SAMMSON: variants seen among roughly 807,000 people sequenced by gnomAD.
SAMMSON encodes long intergenic non-protein coding RNA 1212.
intron 4 of SAMMSON, among the ~76,000 whole-genome samples, chr3:70,185,919 G>A (rs1201260223): frequency 6.6e-6 from 1 of 152,080 alleles, no homozygotes; most frequent in Non-Finnish European, 1.5e-5. Flanking sequence ...TGAGGCTGCA[G>A]TGAACCATGA....
intron 1 of SAMMSON, among the ~76,000 whole-genome samples, chr3:70,001,401 C>A (rs1315383943): frequency 6.6e-6 from 1 of 150,730 alleles, no homozygotes; most frequent in Non-Finnish European, 1.5e-5. Context: ...ACTTCTTGCC[C>A]TCATGGAACT....
chr3:70,351,314 T>C (rs1303289265), intron 7 of SAMMSON, among the ~76,000 whole-genome samples: 1 of 152,170 alleles, frequency 6.6e-6, no homozygotes, highest in African/African-American at 2.4e-5. Context: ...AGAGCCTGCT[T>C]TCTTTAATAA....
chr3:70,316,173 C>T (rs1175503448), intron 7 of SAMMSON, among the ~76,000 whole-genome samples: 1 of 152,048 alleles, frequency 6.6e-6, no homozygotes, highest in Non-Finnish European at 1.5e-5. Context: ...GAGTAATCTG[C>T]AAGATTATCA....
At position 70,335,935 on chromosome 3, in the gene SAMMSON, A is replaced by G. The variant is rs575551884; in HGVS notation, n.740-18240A>G. Among the ~76,000 whole-genome samples, 528 of 152,096 alleles carry G rather than the reference A, an allele frequency of 3.5e-3. 5 individuals carry two copies. Among genetic ancestry groups the G allele is most frequent in the Non-Finnish European group, 6.0e-3 (406 of 67,878 alleles). On this transcript the variant is annotated intron_variant and non_coding_transcript_variant, in intron 7 of 9. Coordinates refer to ENST00000642114, the Ensembl canonical transcript of SAMMSON. ...ATCTTGGAAAAAAAAAGAGAATTCAATGGCTGTAGGGAATCACAGTCCAGG... is the reference window on the plus strand; with the variant it reads ...ATCTTGGAAAAAAAAAGAGAATTCAGTGGCTGTAGGGAATCACAGTCCAGG...
intron 4 of SAMMSON, among the ~76,000 whole-genome samples, chr3:70,122,394 G>A (rs1031971006): frequency 2.6e-5 from 4 of 152,026 alleles, no homozygotes; most frequent in East Asian, 1.9e-4. Flanking sequence ...TGGAGACGGG[G>A]TTTGGGGTTT....
intron 9 of SAMMSON, among the ~76,000 whole-genome samples, chr3:70,383,042 C>T (rs1703086372): frequency 6.6e-6 from 1 of 152,100 alleles, no homozygotes; most frequent in Admixed American, 6.6e-5. Flanking sequence ...TTCTCTTCCT[C>T]TCCCACACTC....
At chr3:70,082,966 T>C (rs2067272184) in intron 4 of SAMMSON, among the ~76,000 whole-genome samples, 1 of 152,162 alleles carries the variant, frequency 6.6e-6, no homozygotes, top group African/African-American at 2.4e-5. Context: ...AGGATTCAAA[T>C]CCAGACAGCC....
intron 4 of SAMMSON, among the ~76,000 whole-genome samples, chr3:70,103,575 A>G (rs2067354328): frequency 6.6e-6 from 1 of 152,208 alleles, no homozygotes; most frequent in Non-Finnish European, 1.5e-5. Flanking sequence ...CTCTTCGGTT[A>G]CATCCTTGAC....
intron 4 of SAMMSON, among the ~76,000 whole-genome samples, chr3:70,187,174 T>C (rs890502031): frequency 6.6e-6 from 1 of 152,202 alleles, no homozygotes; most frequent in Admixed American, 6.5e-5. Context: ...ATTGATACTC[T>C]TATAGCATTG....
chr3:70,068,673 TCTA>T (rs1219243883), intron 3 of SAMMSON: 1 of 152,092 alleles, frequency 6.6e-6, no homozygotes, highest in African/African-American at 2.4e-5. Flanking sequence ...AAATATTTCT[TCTA>T]ATAAAATGCT....
chr3:70,075,703 A>G (rs750773377), intron 4 of SAMMSON, among the ~76,000 whole-genome samples: 9 of 152,110 alleles, frequency 5.9e-5, no homozygotes, highest in Non-Finnish European at 1.2e-4. Context: ...GTAGTGATAA[A>G]AGATTTCCAA....
chr3:70,256,958 A>G (rs1701822440), intron 6 of SAMMSON, among the ~76,000 whole-genome samples: 1 of 152,170 alleles, frequency 6.6e-6, no homozygotes, highest in Non-Finnish European at 1.5e-5. Context: ...TGTGAAGCAC[A>G]AGGAAAAGCC....
chr3:70,348,607 T>C (rs1435055123), intron 7 of SAMMSON, among the ~76,000 whole-genome samples: 1 of 152,122 alleles, frequency 6.6e-6, no homozygotes, highest in South Asian at 2.1e-4. Flanking sequence ...CATTGGAGAC[T>C]AGGTTTCAAC....
intron 4 of SAMMSON, among the ~76,000 whole-genome samples, chr3:70,246,168 G>A (rs1260111179): frequency 6.6e-6 from 1 of 151,874 alleles, no homozygotes; most frequent in East Asian, 1.9e-4. Flanking sequence ...AAAGCATAAA[G>A]TATTGACAGC....
intron 4 of SAMMSON, among the ~76,000 whole-genome samples, chr3:70,226,540 C>T (rs9842443): frequency 0.023 from 3,485 of 152,064 alleles, 107 homozygotes; most frequent in African/African-American, 0.078. Context: ...GAGTTCGAGA[C>T]CAGCCTTGCC....
intron 7 of SAMMSON, among the ~76,000 whole-genome samples, chr3:70,324,153 CTCTA>C (rs200387919): frequency 0.078 from 11,634 of 148,430 alleles, 550 homozygotes; most frequent in Middle Eastern, 0.12. Context: ...CTTTACATCT[CTCTA>C]TCTATCTATC....
intron 3 of SAMMSON, among the ~76,000 whole-genome samples, chr3:70,019,005 C>T (rs1307188570): frequency 1.6e-4 from 25 of 152,228 alleles, no homozygotes; most frequent in African/African-American, 4.3e-4. Flanking sequence ...CTTCCAACTA[C>T]GTGGTCAATT....
chr3:70,210,934 AT>A (rs1225273325), intron 4 of SAMMSON, among the ~76,000 whole-genome samples: 7 of 152,138 alleles, frequency 4.6e-5, no homozygotes, highest in African/African-American at 7.2e-5. Context: ...ATTAACATTT[AT>A]TGAGTACCCA....
intron 6 of SAMMSON, among the ~76,000 whole-genome samples, chr3:70,256,907 G>A (rs1413514861): frequency 1.3e-5 from 2 of 152,196 alleles, no homozygotes; most frequent in Non-Finnish European, 2.9e-5. Context: ...TTCAGCACAT[G>A]TTCTCACTTC....
Sources: gnomAD v4.1 joint callset for allele counts (sites outside exome capture counted in the v4.1 genomes callset) on GRCh38, gnomAD v4.1.1 for gene constraint, MANE v1.5 for transcripts, NCBI Gene and HGNC (gene_info 2026-07-23, HGNC 2026-07-21) for gene names.